The following WASL variants were observed in gnomAD, a reference collection of about 807,000 sequenced individuals.
The protein encoded by WASL is WASP like actin nucleation promoting factor, also known as actin nucleation-promoting factor WASL.
In WASL, 20 loss-of-function variants were observed where a neutral mutation model predicts 55.5. That is an observed-to-expected ratio of 0.36 (90% CI 0.25 to 0.52). The LOEUF (loss-of-function observed/expected upper bound fraction) is 0.52, where lower values mean the gene tolerates loss of function less well. Among genes scored for constraint, WASL ranks in the 20% least tolerant of loss-of-function variants. The pLI, the probability that WASL is intolerant of heterozygous loss-of-function variation, is 0.92. For missense variants in WASL, 504 were observed against 622.5 expected (o/e 0.81, Z 2.03); for synonymous variants, 249 against 217.6 (o/e 1.14, Z -1.27).
chr7:123,706,325 A>T lies in WASL; in HGVS notation c.388T>A (p.Phe130Ile), dbSNP rs1401078410. 6.2e-7 allele frequency: 1 copy of T among 1,613,574 alleles called. No homozygotes were observed. The change falls in exon 4 of 11, where the codon TTT becomes ATT. Residue 130 changes from phenylalanine (F) to isoleucine (I), a missense_variant. Transcript: ENST00000223023. ...AAAAGGTCTGTAACTGCTTTTCGAA[A>T]TTTTTTTGCTTCTTCTTCATTGGCA... ...NFANEEEAKK[F>I]RKAVTDLLGR...
chr7:123,714,606 CAT>C (rs1011575141), intron 1 of WASL, among the ~76,000 whole-genome samples: 40 of 152,246 alleles, frequency 2.6e-4, no homozygotes, highest in African/African-American at 9.6e-4. Context: ...CTCTGCCAGA[CAT>C]ATTTGTTCAC....
chr7:123,726,866 AAAT>A (rs144632237), intron 1 of WASL, among the ~76,000 whole-genome samples: 1 of 151,308 alleles, frequency 6.6e-6, no homozygotes, highest in Non-Finnish European at 1.5e-5. Context: ...ACTTCATCTC[AAAT>A]AATAATAATA....
intron 1 of WASL, among the ~76,000 whole-genome samples, chr7:123,710,485 T>C (rs2116791846): frequency 6.6e-6 from 1 of 152,170 alleles, no homozygotes; most frequent in South Asian, 2.1e-4. Context: ...TGCCCTTTTT[T>C]GGTAAGAGGA....
chr7:123,722,767 C>A (rs1485193005), intron 1 of WASL, among the ~76,000 whole-genome samples: 1 of 152,138 alleles, frequency 6.6e-6, no homozygotes, highest in Admixed American at 6.5e-5. Context: ...ATCGCCACTG[C>A]ACTCCAGCCT....
chr7:123,708,116 A>G (rs999768079), intron 2 of WASL, among the ~76,000 whole-genome samples: 4 of 152,044 alleles, frequency 2.6e-5, no homozygotes, highest in Non-Finnish European at 1.5e-5. Flanking sequence ...GGCCAAGGAG[A>G]TCAAGGTTGC....
At chr7:123,721,197 A>T (rs1409575420) in intron 1 of WASL, among the ~76,000 whole-genome samples, 2 of 152,198 alleles carry the variant, frequency 1.3e-5, no homozygotes, top group African/African-American at 4.8e-5. Context: ...GCAAATTAAA[A>T]TTTTTTGTCT....
rs748078275 is a variant in WASL, at chr7:123,692,617, T to A, written c.1077A>T (p.Pro359=). ...CCCCCAACACAGATGGAGGTGGTGG[T>A]GGAGGCCCTGAAGGTGCTGAGGAGG... is the stretch of plus-strand genomic sequence containing the variant. ...ALPSSAPSGP[P]PPPPSVLGVG... The change falls in exon 9 of 11, where the codon CCA becomes CCT. Residue 359 remains proline (P), a synonymous_variant. Transcript: ENST00000223023. 6.2e-7 allele frequency: 1 copy of A among 1,600,920 alleles called. No homozygotes were observed. The highest frequency in any genetic ancestry group is 1.1e-5 in the South Asian group (1 of 90,222).
At chr7:123,689,432 G>T (rs1803357951) in intron 9 of WASL, among the ~76,000 whole-genome samples, 1 of 152,056 alleles carries the variant, frequency 6.6e-6, no homozygotes, top group Non-Finnish European at 1.5e-5. Flanking sequence ...AATAATACTT[G>T]CTGGGTTACT....
At chr7:123,692,893 G>C in intron 8 of WASL, 26 bp from the exon 9 acceptor site, 1 of 1,341,840 alleles carries the variant, frequency 7.5e-7, no homozygotes. Context: ...AAAAAAAGAA[G>C]GCATGCTTTT....
chr7:123,716,908 G>A (rs955239178), intron 1 of WASL, among the ~76,000 whole-genome samples: 5 of 152,040 alleles, frequency 3.3e-5, no homozygotes, highest in African/African-American at 1.2e-4. Flanking sequence ...TTATTTGCCA[G>A]AGGTCACATA....
intron 1 of WASL, among the ~76,000 whole-genome samples, chr7:123,717,561 G>C (rs1803866225): frequency 6.6e-6 from 1 of 152,202 alleles, no homozygotes; most frequent in Non-Finnish European, 1.5e-5. Flanking sequence ...CTCCTGCTGG[G>C]TGTGACATAC....
At chr7:123,735,653 A>G (rs961220239) in intron 1 of WASL, among the ~76,000 whole-genome samples, 17 of 152,168 alleles carry the variant, frequency 1.1e-4, no homozygotes, top group African/African-American at 3.9e-4. Flanking sequence ...TGAAAAATAC[A>G]GTGGACGGTT....
intron 1 of WASL, among the ~76,000 whole-genome samples, chr7:123,722,988 A>C (rs1421661328): frequency 6.6e-6 from 1 of 152,162 alleles, no homozygotes; most frequent in Non-Finnish European, 1.5e-5. Context: ...AGACTCTGGG[A>C]ATAGATTCCA....
At chr7:123,702,002 G>T (rs1053852683) in intron 5 of WASL, among the ~76,000 whole-genome samples, 3 of 149,684 alleles carry the variant, frequency 2.0e-5, no homozygotes, top group Middle Eastern at 3.5e-3. Context: ...TGGGCCAAAT[G>T]ATTAAAACTA....
Position 123,694,903 on chromosome 7 carries a change from T to C in WASL, c.673-35A>G, listed in dbSNP as rs1450583895. The C allele has an allele frequency of 1.3e-5, 20 of 1,569,312 alleles. 1 individual carries two copies. The highest frequency in any genetic ancestry group is 4.2e-4 in the Middle Eastern group (2 of 4,722). ...AAAGTAACTGCTAACTATAAAAATA[T>C]ATCCCAATTTAAAAAACATAATTTT... On this transcript the variant is annotated intron_variant, in intron 7 of 10. Coordinates refer to ENST00000223023, the MANE Select transcript of WASL (RefSeq NM_003941.4).
chr7:123,696,156 G>A lies in WASL; in HGVS notation c.630-291C>T, dbSNP rs184908556. 1.3e-4 allele frequency among the ~76,000 whole-genome samples: 20 copies of A among 152,000 alleles called. No individual in the cohort carries two copies. The East Asian group carries it at 2.9e-3, about 22-fold the overall frequency. ...AGAGTCCAAGCATTATATATATGACGGGATAAGGGTTTCATAATGAGCTAA... is the reference window on the plus strand; with the variant it reads ...AGAGTCCAAGCATTATATATATGACAGGATAAGGGTTTCATAATGAGCTAA... On this transcript the variant is annotated intron_variant, in intron 6 of 10. Transcript: ENST00000223023.
chr7:123,697,551 T>A (rs1157448256), intron 5 of WASL, among the ~76,000 whole-genome samples: 4 of 152,222 alleles, frequency 2.6e-5, no homozygotes, highest in African/African-American at 4.8e-5. Flanking sequence ...GCAACACATG[T>A]TCCTCAGAGA....
chr7:123,706,433 T>C (rs1320922967), intron 3 of WASL, 60 bp from the exon 4 acceptor site: 2 of 1,450,080 alleles, frequency 1.4e-6, no homozygotes, highest in African/African-American at 2.8e-5. Context: ...CTTTATATCA[T>C]AAAAACAATG....
intron 1 of WASL, among the ~76,000 whole-genome samples, chr7:123,730,746 T>C (rs1804123761): frequency 6.6e-6 from 1 of 152,136 alleles, no homozygotes; most frequent in Non-Finnish European, 1.5e-5. Context: ...TCAGAATGGG[T>C]TAAAAAATAA....
Sources: gnomAD v4.1 joint callset for allele counts (sites outside exome capture counted in the v4.1 genomes callset) on GRCh38, gnomAD v4.1.1 for gene constraint, MANE v1.5 for transcripts, NCBI Gene and HGNC (gene_info 2026-07-23, HGNC 2026-07-21) for gene names.